KCNK2: variants seen among roughly 807,000 people sequenced by gnomAD.
KCNK2 encodes potassium two pore domain channel subfamily K member 2, also known as potassium channel subfamily K member 2.
KCNK2 carries 21 observed loss-of-function variants against 40.5 expected under a neutral mutation model. The ratio of observed to expected loss-of-function variants is 0.52; its 90% CI spans 0.37 to 0.75. KCNK2 has a LOEUF of 0.75. Among genes scored for constraint, KCNK2 ranks in the 30% least tolerant of loss-of-function variants. The probability of loss-of-function intolerance (pLI) is 0.00; values close to 1 mark genes in which losing one functional copy is unlikely to be tolerated. For missense variants in KCNK2, 399 were observed against 531.6 expected (o/e 0.75, Z 2.45); for synonymous variants, 191 against 202.2 (o/e 0.94, Z 0.47).
intron 1 of KCNK2, among the ~76,000 whole-genome samples, chr1:215,019,416 G>A (rs556511810): frequency 2.0e-5 from 3 of 152,194 alleles, no homozygotes; most frequent in Non-Finnish European, 4.4e-5. Context: ...AACACCATGA[G>A]CAGGGCTAAT....
At chr1:215,142,332 A>T (rs1415574780) in intron 3 of KCNK2, among the ~76,000 whole-genome samples, 2 of 152,130 alleles carry the variant, frequency 1.3e-5, no homozygotes, top group African/African-American at 4.8e-5. Context: ...TCCTCACAAA[A>T]TATTTACAGA....
chr1:215,183,191 G>A (rs61818350), intron 5 of KCNK2, among the ~76,000 whole-genome samples: 1 of 151,840 alleles, frequency 6.6e-6, no homozygotes, highest in Non-Finnish European at 1.5e-5. Context: ...TTTCCATCTT[G>A]GGGAAAAAAA....
In KCNK2 at chr1:215,109,129, A is replaced by G. The variant is rs1031785319; in HGVS notation, c.358-15504A>G. ...GTACATGTTAAATTTTGTTGCATGCATAGAATGTGTAATGATTAAGTCAGG... is the reference window on the plus strand; with the variant it reads ...GTACATGTTAAATTTTGTTGCATGCGTAGAATGTGTAATGATTAAGTCAGG... On this transcript the variant is annotated intron_variant, in intron 2 of 6. Coordinates refer to ENST00000444842, the MANE Select transcript of KCNK2 (RefSeq NM_001017425.3). Among the ~76,000 whole-genome samples the G allele has an allele frequency of 5.8e-5, 8 of 138,596 alleles. No individual in the cohort carries two copies. In the South Asian group the frequency reaches 1.5e-3, roughly 25 times the overall value. 90.9% of individuals were successfully genotyped at this position (138,596 alleles called of 152,430 possible). A position where few individuals can be genotyped will look rare whatever the true frequency, so the allele number is the denominator to read the frequency against.
intron 5 of KCNK2, among the ~76,000 whole-genome samples, chr1:215,194,267 TA>T (rs146255082): frequency 2.0e-5 from 3 of 150,942 alleles, no homozygotes; most frequent in Non-Finnish European, 3.0e-5. Flanking sequence ...AGGATTAGAG[TA>T]AAAAAAAACA....
intron 5 of KCNK2, among the ~76,000 whole-genome samples, chr1:215,181,567 T>C (rs1323102712): frequency 6.6e-6 from 1 of 152,194 alleles, no homozygotes; most frequent in South Asian, 2.1e-4. Context: ...ATGTTCCTCT[T>C]TTCTTTCCTC....
intron 3 of KCNK2, among the ~76,000 whole-genome samples, chr1:215,166,265 T>A (rs1229403795): frequency 6.6e-6 from 1 of 152,052 alleles, no homozygotes; most frequent in East Asian, 1.9e-4. Context: ...TTATGAGTCA[T>A]ACCGATGCAG....
At chr1:215,121,900 C>T (rs1251915976) in intron 2 of KCNK2, among the ~76,000 whole-genome samples, 2 of 152,022 alleles carry the variant, frequency 1.3e-5, no homozygotes, top group Admixed American at 1.3e-4. Flanking sequence ...TCTTAAAAAT[C>T]AGAAATTCAA....
Position 215,191,569 on chromosome 1 carries a change from C to T in KCNK2, c.824-3384C>T, listed in dbSNP as rs369159809. Reference sequence around the variant, plus strand: ...ACACAAGCAATAAGGGCAAGAGATCCGGAGAGAGATTACACCATCTAAAAG... The same window carrying T: ...ACACAAGCAATAAGGGCAAGAGATCTGGAGAGAGATTACACCATCTAAAAG... On this transcript the variant is annotated intron_variant, in intron 5 of 6. Transcript: ENST00000444842. Among the ~76,000 whole-genome samples, 109 of 152,028 alleles carry T rather than the reference C, an allele frequency of 7.2e-4. 1 individual carries two copies. In the South Asian group the frequency reaches 0.018, roughly 25 times the overall value.
intron 1 of KCNK2, among the ~76,000 whole-genome samples, chr1:215,054,388 G>C (rs1658085767): frequency 6.6e-6 from 1 of 152,146 alleles, no homozygotes; most frequent in South Asian, 2.1e-4. Flanking sequence ...TTTTTCAAAG[G>C]CTGCTTTGTC....
chr1:215,196,494 A>C (rs1257657812), intron 6 of KCNK2, among the ~76,000 whole-genome samples: 2 of 152,226 alleles, frequency 1.3e-5, no homozygotes, highest in Non-Finnish European at 2.9e-5. Context: ...TTGGGAATTT[A>C]CTTATTCAGT....
chr1:215,051,340 G>A (rs61818265), intron 1 of KCNK2, among the ~76,000 whole-genome samples: 1,826 of 152,280 alleles, frequency 0.012, 44 homozygotes, highest in South Asian at 0.1. Flanking sequence ...CAGGAACAAG[G>A]AAAATATTTG....
chr1:215,111,149 T>C (rs1025827102), intron 2 of KCNK2, among the ~76,000 whole-genome samples: 1 of 152,158 alleles, frequency 6.6e-6, no homozygotes, highest in Non-Finnish European at 1.5e-5. Context: ...TTTCTGCATG[T>C]CTTTTCATGT....
chr1:215,184,273 G>A (rs967086163), intron 5 of KCNK2, among the ~76,000 whole-genome samples: 1 of 152,168 alleles, frequency 6.6e-6, no homozygotes, highest in Non-Finnish European at 1.5e-5. Context: ...TGGAAAGTTT[G>A]TTATTACAGG....
At chr1:215,060,345 G>A (rs571217110) in intron 1 of KCNK2, among the ~76,000 whole-genome samples, 8 of 152,296 alleles carry the variant, frequency 5.3e-5, no homozygotes, top group Admixed American at 3.9e-4. Flanking sequence ...CAACGAAGGC[G>A]TGGCATGACC....
At chr1:215,046,270 T>TA (rs1347924830) in intron 1 of KCNK2, among the ~76,000 whole-genome samples, 1 of 152,136 alleles carries the variant, frequency 6.6e-6, no homozygotes, top group Non-Finnish European at 1.5e-5. Flanking sequence ...GCCCTTGGCA[T>TA]AAAAAGGTAT....
At chr1:215,113,243 T>C (rs1454626002) in intron 2 of KCNK2, among the ~76,000 whole-genome samples, 2 of 152,164 alleles carry the variant, frequency 1.3e-5, no homozygotes. Flanking sequence ...TTTTTTTGCT[T>C]AGAACTTTCA....
chr1:215,094,788 A>G (rs898637507), intron 2 of KCNK2, among the ~76,000 whole-genome samples: 3 of 152,148 alleles, frequency 2.0e-5, no homozygotes, highest in Non-Finnish European at 4.4e-5. Flanking sequence ...AAAATGCCAT[A>G]TAAGTGGTAT....
At chr1:215,020,004 A>T (rs1656734551) in intron 1 of KCNK2, among the ~76,000 whole-genome samples, 1 of 152,148 alleles carries the variant, frequency 6.6e-6, no homozygotes, top group African/African-American at 2.4e-5. Context: ...AAACAAGATA[A>T]TTTATTTCAC....
chr1:215,232,308 T>C (rs1405653009), intron 6 of KCNK2, among the ~76,000 whole-genome samples: 1 of 152,172 alleles, frequency 6.6e-6, no homozygotes, highest in Non-Finnish European at 1.5e-5. Context: ...ATAAAAGGAC[T>C]AAAATTCGAT....
Sources: allele counts gnomAD v4.1 joint callset (sites outside exome capture counted in the v4.1 genomes callset), GRCh38; gene constraint gnomAD v4.1.1; transcripts MANE v1.5; gene names NCBI Gene and HGNC (gene_info 2026-07-23, HGNC 2026-07-21).